Variants in CNDP1 observed in about 807,000 individuals in gnomAD.
CNDP1 encodes beta-Ala-His dipeptidase.
Under a neutral mutation model 58.1 loss-of-function variants are expected in CNDP1, and 44 were observed. That is an observed-to-expected ratio of 0.76 (90% CI 0.60 to 0.97). The LOEUF is 0.97. Ranked by LOEUF, CNDP1 falls within the 50% of genes least tolerant of loss-of-function variation. The probability of loss-of-function intolerance (pLI) is 0.00; values close to 1 mark genes in which losing one functional copy is unlikely to be tolerated. For missense variants in CNDP1, 616 were observed against 655.1 expected, an observed-to-expected ratio of 0.94 and a Z score of 0.65; for synonymous variants, 254 against 252.6, an observed-to-expected ratio of 1.01 and a Z score of -0.05.
At chr18:74,570,644 G>T (rs1375908989) in intron 6 of CNDP1, among the ~76,000 whole-genome samples, 3 of 152,198 alleles carry the variant, frequency 2.0e-5, no homozygotes, top group Non-Finnish European at 4.4e-5. Flanking sequence ...TATGTCAAGG[G>T]TGCCATATAC....
chr18:74,573,770 CT>C (rs752524613), intron 7 of CNDP1, among the ~76,000 whole-genome samples: 15 of 152,212 alleles, frequency 9.9e-5, no homozygotes, highest in Non-Finnish European at 1.6e-4. Context: ...GGCTGCGTGG[CT>C]TCAGCCAGGC....
At chr18:74,563,060 T>A (rs970536320) in intron 5 of CNDP1, among the ~76,000 whole-genome samples, 3 of 152,224 alleles carry the variant, frequency 2.0e-5, no homozygotes, top group African/African-American at 7.2e-5. Flanking sequence ...TGGCACCCTG[T>A]CCTGCAGAGC....
intron 5 of CNDP1, among the ~76,000 whole-genome samples, chr18:74,562,551 G>C (rs1399716800): frequency 6.6e-6 from 1 of 152,064 alleles, no homozygotes; most frequent in African/African-American, 2.4e-5. Context: ...TGTTAGTAGA[G>C]ACACACACAC....
At position 74,559,414 on chromosome 18, in the gene CNDP1, C is replaced by A. The variant is rs200047310; in HGVS notation, c.245C>A (p.Ala82Glu). Residue 82 changes from alanine (A) to glutamate (E), a missense_variant, in exon 3 of 12, where the codon GCG (alanine) becomes GAG (glutamate). Ala to Glu is a moderately radical substitution (Grantham distance 107, BLOSUM62 -1). Coordinates refer to ENST00000358821, the MANE Select transcript of CNDP1 (RefSeq NM_032649.6). The stretch of plus-strand genomic sequence containing the variant: ...CTCTTCAGAATGATGGCCGTGGCTG[C>A]GGACACGCTGCAGCGCCTGGGGGCC... ...QELFRMMAVA[A>E]DTLQRLGARV... The A allele has an allele frequency of 6.2e-7, 1 of 1,613,282 alleles. No homozygotes were observed. Among genetic ancestry groups the A allele is most frequent in the South Asian group, 1.1e-5 (1 of 91,060 alleles).
intron 1 of CNDP1, among the ~76,000 whole-genome samples, chr18:74,549,707 C>T (rs940205525): frequency 6.6e-6 from 1 of 152,186 alleles, no homozygotes; most frequent in African/African-American, 2.4e-5. Flanking sequence ...AAAATGAGAA[C>T]AAGGTCTTGA....
chr18:74,534,742 A>T, intron 1 of CNDP1, 51 bp downstream of exon 1: 1 of 1,609,488 alleles, frequency 6.2e-7, no homozygotes, highest in Non-Finnish European at 8.5e-7. Context: ...CCAGAATTCC[A>T]TTTGTCCCGG....
intron 10 of CNDP1, 53 bp downstream of exon 10, chr18:74,580,324 G>A: frequency 8.2e-6 from 13 of 1,580,666 alleles, no homozygotes; most frequent in Non-Finnish European, 1.0e-5. Flanking sequence ...CTCAGGGGTG[G>A]TACCCGTGGG....
intron 3 of CNDP1, 124 bp from the exon 4 acceptor site, chr18:74,560,732 A>T: frequency 2.3e-6 from 2 of 879,066 alleles, no homozygotes; most frequent in Non-Finnish European, 1.8e-6. Flanking sequence ...GACTCATTTT[A>T]GAGATGGAGA....
chr18:74,551,361 A>AACACACAC (rs74178982), intron 1 of CNDP1, among the ~76,000 whole-genome samples: 9,999 of 147,922 alleles, frequency 0.068, 360 homozygotes, highest in Middle Eastern at 0.11. Context: ...GCACAACTGT[A>AACACACAC]ACACACACAC....
chr18:74,567,249 T>C lies in CNDP1; in HGVS notation c.572T>C (p.Ile191Thr). ...GTTACTTAGGATCTTCCTGTGAATA[T>C]CAAATTCATCATTGAGGGGATGGAA... ...RALEQDLPVN[I>T]KFIIEGMEEA... is the part of the protein sequence containing the mutation. The change falls in exon 6 of 12, where the codon ATC becomes ACC. Residue 191 changes from isoleucine (I) to threonine (T), a missense_variant. By Grantham distance (89) the Ile-to-Thr change is moderately conservative. Transcript: ENST00000358821. 6.2e-7 allele frequency: 1 copy of C among 1,614,120 alleles called. No homozygotes were observed. Among genetic ancestry groups the C allele is most frequent in the East Asian group, 2.2e-5 (1 of 44,882 alleles).
chr18:74,584,497 T>C lies in CNDP1; in HGVS notation c.1459T>C (p.Trp487Arg). ...EHSQNEKINR[W>R]NYIEGTKLFA... The stretch of plus-strand genomic sequence containing the variant: ...TCTCTTTGTTTTTCCTCTTCTTAGG[T>C]GGAACTACATAGAGGGAACCAAATT... The change falls in exon 12 of 12, where the codon TGG (tryptophan) becomes CGG (arginine). Residue 487 changes from tryptophan (W) to arginine (R), a missense_variant and splice_region_variant. Physicochemically the swap from Trp to Arg is moderately radical, Grantham distance 101 (BLOSUM62 -3). Transcript: ENST00000358821. 6.2e-7 allele frequency: 1 copy of C among 1,610,644 alleles called. No individual in the cohort carries two copies. The highest frequency in any genetic ancestry group is 1.3e-5 in the African/African-American group (1 of 74,978).
chr18:74,581,734 C>T (rs1981795724), intron 10 of CNDP1, among the ~76,000 whole-genome samples: 1 of 152,206 alleles, frequency 6.6e-6, no homozygotes, highest in Non-Finnish European at 1.5e-5. Context: ...GGAGCAGGGA[C>T]ACCCAGTCTT....
intron 1 of CNDP1, among the ~76,000 whole-genome samples, chr18:74,536,686 A>T (rs1001796590): frequency 3.3e-5 from 5 of 152,222 alleles, no homozygotes; most frequent in African/African-American, 9.6e-5. Context: ...GTCAAACGGT[A>T]GTTCTGTTTT....
rs1181795972 is a variant in CNDP1 at position 74,545,625 on chromosome 18, G to A, written c.25-10713G>A. Among the ~76,000 whole-genome samples the A allele has an allele frequency of 3.3e-5, 5 of 151,810 alleles. No individual in the cohort carries two copies. The highest frequency in any genetic ancestry group is 6.6e-5 in the Admixed American group (1 of 15,230). On this transcript the variant is annotated intron_variant, in intron 1 of 11. Coordinates refer to ENST00000358821, the MANE Select transcript of CNDP1 (RefSeq NM_032649.6). This position sits in a 1 kb window ranked among gnomAD's most constrained non-coding sequence, Gnocchi z 4.1. ...CACCCCTCCTCTGTCCCCAGTCCAC[G>A]TCTCTCTCAACTCCCCACTCCCTCC... is the stretch of plus-strand genomic sequence containing the variant.
intron 1 of CNDP1, among the ~76,000 whole-genome samples, chr18:74,552,344 T>C (rs1234128223): frequency 3.3e-5 from 5 of 152,254 alleles, no homozygotes; most frequent in African/African-American, 1.2e-4. Context: ...TTAATGGCTT[T>C]TAGTTTATTC....
chr18:74,572,794 A>C (rs1981514777), intron 7 of CNDP1, among the ~76,000 whole-genome samples: 2 of 138,644 alleles, frequency 1.4e-5, no homozygotes, highest in African/African-American at 5.8e-5. Context: ...CTGTATCAAA[A>C]AAAAAAAAAA....
At chr18:74,535,445 A>C (rs1028048893) in intron 1 of CNDP1, among the ~76,000 whole-genome samples, 10 of 152,234 alleles carry the variant, frequency 6.6e-5, no homozygotes, top group Non-Finnish European at 1.0e-4. Flanking sequence ...GCAGGTGGTG[A>C]CCTGACCACA....
In CNDP1 at chr18:74,560,960, G is replaced by A. The variant is rs779911811; in HGVS notation, c.408G>A (p.Gln136=). Reference sequence around the variant, plus strand: ...GCTTCTACGGCCACTTGGACGTGCAGCCTGCTGACCGGGGCGATGGGTGGC... The same window carrying A: ...GCTTCTACGGCCACTTGGACGTGCAACCTGCTGACCGGGGCGATGGGTGGC... ...TVCFYGHLDV[Q]PADRGDGWLT... is the part of the protein sequence containing the mutation. Residue 136 remains glutamine (Q), a synonymous_variant, in exon 4 of 12, where the codon CAG becomes CAA. Transcript: ENST00000358821. 1.9e-6 allele frequency: 3 copies of A among 1,614,144 alleles called. No individual in the cohort carries two copies. The highest frequency in any genetic ancestry group is 2.2e-5 in the South Asian group (2 of 91,088).
intron 1 of CNDP1, among the ~76,000 whole-genome samples, chr18:74,542,494 C>T (rs912444005): frequency 6.6e-6 from 1 of 152,206 alleles, no homozygotes; most frequent in African/African-American, 2.4e-5. Flanking sequence ...GAAGTGAAAT[C>T]ATTGTAGGGC....
Sources: allele counts gnomAD v4.1 joint callset (sites outside exome capture counted in the v4.1 genomes callset), GRCh38; gene constraint gnomAD v4.1.1; non-coding constraint Gnocchi (gnomAD v3.1); transcripts MANE v1.5; gene names NCBI Gene and HGNC (gene_info 2026-07-23, HGNC 2026-07-21).